Variants in LIPI observed in about 807,000 individuals in gnomAD.
LIPI encodes lipase member I.
Under a neutral mutation model 50.6 loss-of-function variants are expected in LIPI, and 59 were observed. The ratio of observed to expected loss-of-function variants is 1.16; its 90% CI spans 0.94 to 1.45. LIPI has a LOEUF of 1.45. Among genes scored for constraint, LIPI ranks in the 40% most tolerant of loss-of-function variants. The pLI, the probability that LIPI is intolerant of heterozygous loss-of-function variation, is 0.00. For synonymous variants in LIPI, 203 were observed against 178.2 expected (o/e 1.14, Z -1.11); for missense variants, 586 against 536.3 (o/e 1.09, Z -0.92).
At chr21:14,210,749 ATTTTATATGCAAT>A in intron 1 of LIPI, 38 bp downstream of exon 1, 2 of 751,364 alleles carry the variant, frequency 2.7e-6, no homozygotes, top group Non-Finnish European at 3.7e-6. Flanking sequence ...AGACCACACT[ATTTTATATGCAAT>A]TTTTAAAGAT....
At chr21:14,154,172 A>G (rs2018196219) in intron 7 of LIPI, among the ~76,000 whole-genome samples, 1 of 151,972 alleles carries the variant, frequency 6.6e-6, no homozygotes. Context: ...CAATATAAAA[A>G]AATAAATCAA....
chr21:14,168,718 C>A (rs1355027590), intron 4 of LIPI, among the ~76,000 whole-genome samples: 1 of 152,072 alleles, frequency 6.6e-6, no homozygotes, highest in African/African-American at 2.4e-5. Flanking sequence ...GAAGGAAGCA[C>A]TAAACATGGA....
chr21:14,167,704 A>C (rs1405735340), intron 4 of LIPI, among the ~76,000 whole-genome samples: 1 of 152,176 alleles, frequency 6.6e-6, no homozygotes, highest in East Asian at 1.9e-4. Flanking sequence ...CCACACCAAA[A>C]ACCCATCTGT....
chr21:14,180,504 A>G (rs2019235406), intron 4 of LIPI, among the ~76,000 whole-genome samples: 1 of 152,200 alleles, frequency 6.6e-6, no homozygotes, highest in Non-Finnish European at 1.5e-5. Flanking sequence ...CTTATGGAAA[A>G]TAGAAAGAAC....
chr21:14,157,099 G>T (rs112202996), intron 7 of LIPI, among the ~76,000 whole-genome samples: 5 of 151,870 alleles, frequency 3.3e-5, no homozygotes, highest in South Asian at 2.1e-4. Context: ...TAAGACAGGG[G>T]TTGAAAGTGT....
chr21:14,116,514 T>G (rs144390386), intron 9 of LIPI, among the ~76,000 whole-genome samples: 97 of 152,260 alleles, frequency 6.4e-4, no homozygotes, highest in Middle Eastern at 3.4e-3. Flanking sequence ...AGAATGTATG[T>G]TGAAGAACTT....
chr21:14,177,944 T>G (rs879714814), intron 4 of LIPI, among the ~76,000 whole-genome samples: 5 of 152,090 alleles, frequency 3.3e-5, no homozygotes, highest in Admixed American at 1.3e-4. Flanking sequence ...TAAATTTGTC[T>G]GAAATAAAAT....
chr21:14,145,365 A>G (rs1024932505), intron 8 of LIPI, among the ~76,000 whole-genome samples: 10 of 152,162 alleles, frequency 6.6e-5, no homozygotes, highest in African/African-American at 2.4e-4. Context: ...TACAGATAAG[A>G]AAACTGAGCA....
chr21:14,141,735 C>CT (rs757459953), intron 9 of LIPI, among the ~76,000 whole-genome samples: 3 of 152,130 alleles, frequency 2.0e-5, no homozygotes, highest in Non-Finnish European at 4.4e-5. Flanking sequence ...ATCCTTGGTT[C>CT]TTTTTACCGT....
Position 14,108,962 on chromosome 21 carries a change from C to T in LIPI, c.*31G>A, listed in dbSNP as rs754022975. On this transcript the variant is annotated 3_prime_UTR_variant, in exon 10 of 10. Coordinates refer to ENST00000681601, the MANE Select transcript of LIPI (RefSeq NM_001302998.2). ...TTTCATTTACAAGTCCATTAATTCA[C>T]AAGCAAGTGCATTTGATGGAAGAAG... 6.2e-7 allele frequency: 1 copy of T among 1,610,442 alleles called. No individual in the cohort carries two copies. The highest frequency in any genetic ancestry group is 1.7e-5 in the Admixed American group (1 of 59,980).
At chr21:14,192,760 CT>C (rs766126249) in intron 1 of LIPI, among the ~76,000 whole-genome samples, 13 of 152,078 alleles carry the variant, frequency 8.5e-5, no homozygotes, top group Non-Finnish European at 1.5e-4. Context: ...CAAAATTGTC[CT>C]TTAAAAATGA....
At chr21:14,183,009 A>G (rs1392620179) in intron 3 of LIPI, among the ~76,000 whole-genome samples, 2 of 152,056 alleles carry the variant, frequency 1.3e-5, no homozygotes, top group African/African-American at 4.8e-5. Context: ...AAGAGCCCGC[A>G]TCGCCAAGTC....
intron 8 of LIPI, among the ~76,000 whole-genome samples, chr21:14,147,970 T>TAC (rs1461590553): frequency 6.6e-6 from 1 of 152,138 alleles, no homozygotes; most frequent in Non-Finnish European, 1.5e-5. Flanking sequence ...ATCTCTCCAT[T>TAC]ACTCATATGT....
At chr21:14,126,144 TCTTATAA>T (rs1324142253) in intron 9 of LIPI, among the ~76,000 whole-genome samples, 4 of 152,324 alleles carry the variant, frequency 2.6e-5, no homozygotes, top group South Asian at 4.1e-4. Context: ...ACTGGCAGTT[TCTTATAA>T]AGTTCAACTC....
At chr21:14,178,340 C>A (rs190637199) in intron 4 of LIPI, among the ~76,000 whole-genome samples, 176 of 152,154 alleles carry the variant, frequency 1.2e-3, no homozygotes, top group African/African-American at 4.0e-3. Context: ...TTTACCATGT[C>A]ATTGCCTATC....
At position 14,118,548 on chromosome 21, in the gene LIPI, G is replaced by T. The variant is rs1012899480; in HGVS notation, c.1296-9468C>A. Reference sequence around the variant, plus strand: ...ATCTCCTTTACACCAAGTGGAGATAGGACCTTAAGCCTAAGGCAAAGAAAG... The same window carrying T: ...ATCTCCTTTACACCAAGTGGAGATATGACCTTAAGCCTAAGGCAAAGAAAG... On this transcript the variant is annotated intron_variant, in intron 9 of 9. Transcript: ENST00000681601. Among the ~76,000 whole-genome samples, 19 of 152,258 alleles carry T rather than the reference G, an allele frequency of 1.2e-4. 2 individuals carry two copies. Among genetic ancestry groups the T allele is most frequent in the South Asian group, 1.2e-3 (6 of 4,816 alleles).
At chr21:14,177,930 A>T (rs1600903653) in intron 4 of LIPI, among the ~76,000 whole-genome samples, 2 of 68,046 alleles carry the variant, frequency 2.9e-5, no homozygotes, top group South Asian at 6.1e-4. Context: ...GTTTCTCTCC[A>T]GTTTAAATTT....
At chr21:14,146,747 T>G (rs528575488) in intron 8 of LIPI, among the ~76,000 whole-genome samples, 39 of 150,450 alleles carry the variant, frequency 2.6e-4, no homozygotes, top group Admixed American at 7.3e-4. Context: ...AGATTTCTCC[T>G]CTCTTTCTTA....
intron 4 of LIPI, among the ~76,000 whole-genome samples, chr21:14,170,510 T>C (rs1250369894): frequency 6.6e-6 from 1 of 152,196 alleles, no homozygotes; most frequent in Non-Finnish European, 1.5e-5. Flanking sequence ...AAGAAGCTTA[T>C]CCACCATGAT....
Sources: allele counts gnomAD v4.1 joint callset (sites outside exome capture counted in the v4.1 genomes callset), GRCh38; gene constraint gnomAD v4.1.1; transcripts MANE v1.5; gene names NCBI Gene and HGNC (gene_info 2026-07-23, HGNC 2026-07-21).